Variants in GNB5 observed in about 807,000 individuals in gnomAD.
GNB5 encodes the protein G protein subunit beta 5, also known as guanine nucleotide-binding protein subunit beta-5.
In GNB5, 37 loss-of-function variants were observed where a neutral mutation model predicts 55.3. That is an observed-to-expected ratio of 0.67 (90% CI 0.51 to 0.88). The LOEUF (loss-of-function observed/expected upper bound fraction) is 0.88, where lower values mean the gene tolerates loss of function less well. GNB5 is among the 40% of genes least tolerant of loss of function. The pLI is 0.00. For missense variants in GNB5, 476 were observed against 515.3 expected, an observed-to-expected ratio of 0.92 and a Z score of 0.74; for synonymous variants, 219 against 198.5, an observed-to-expected ratio of 1.10 and a Z score of -0.87.
rs186709620 is a variant in GNB5 at position 52,115,562 on chromosome 15, C to T, written c.*7195G>A. On this transcript the variant is annotated 3_prime_UTR_variant, in exon 13 of 13. Transcript: ENST00000261837. The stretch of plus-strand genomic sequence containing the variant: ...TATTTGTAAATGGTAAATCCTCTGG[C>T]AACGGTGACTATGCTCACTTGCCCC... 1.3e-5 allele frequency: 2 copies of T among 152,358 alleles called. No individual in the cohort carries two copies. 9.4% of individuals were successfully genotyped at this position (152,358 alleles called of 1,614,324 possible).
chr15:52,186,580 G>A (rs964488549), intron 1 of GNB5, among the ~76,000 whole-genome samples: 2 of 152,194 alleles, frequency 1.3e-5, no homozygotes, highest in Admixed American at 6.5e-5. Flanking sequence ...AGGACAAAGC[G>A]GTTAAGGGGG....
intron 3 of GNB5, among the ~76,000 whole-genome samples, chr15:52,171,997 A>G (rs544591116): frequency 2.0e-5 from 3 of 152,354 alleles, no homozygotes; most frequent in South Asian, 4.1e-4. Context: ...CAGCCCCAGG[A>G]GGCTGCTGTG....
intron 4 of GNB5, among the ~76,000 whole-genome samples, chr15:52,153,667 G>T (rs534085479): frequency 6.6e-6 from 1 of 151,242 alleles, no homozygotes; most frequent in South Asian, 2.1e-4. Context: ...TTAAAAACTG[G>T]TTTCATTTAC....
intron 6 of GNB5, among the ~76,000 whole-genome samples, chr15:52,142,761 C>T (rs2033886772): frequency 6.6e-6 from 1 of 152,118 alleles, no homozygotes; most frequent in Admixed American, 6.5e-5. Context: ...ACTGGGAAAG[C>T]CAAGGGTCCC....
At chr15:52,151,227 G>A (rs747540035) in intron 4 of GNB5, among the ~76,000 whole-genome samples, 2 of 152,108 alleles carry the variant, frequency 1.3e-5, no homozygotes, top group Non-Finnish European at 2.9e-5. Flanking sequence ...CTGTATCGTG[G>A]GGTCCTCCAC....
chr15:52,174,845 G>C (rs1364299134), intron 3 of GNB5, among the ~76,000 whole-genome samples: 3 of 152,106 alleles, frequency 2.0e-5, no homozygotes, highest in Non-Finnish European at 2.9e-5. Flanking sequence ...ACTTTGGGAG[G>C]CTGAGGCGGG....
chr15:52,117,102 A>ATATATATATATATATTTTTTTTTTTTTT lies in GNB5; in HGVS notation c.*5654_*5655insAAAAAAAAAAAAAATATATATATATATA. 9 of 87,098 alleles carry ATATATATATATATATTTTTTTTTTTTTT rather than the reference A, an allele frequency of 1.0e-4. No individual in the cohort carries two copies. Among genetic ancestry groups the ATATATATATATATATTTTTTTTTTTTTT allele is most frequent in the African/African-American group, 5.5e-4 (9 of 16,444 alleles). 5.4% of individuals were successfully genotyped at this position (87,098 alleles called of 1,614,324 possible). A position where few individuals can be genotyped will look rare whatever the true frequency, so the allele number is the denominator to read the frequency against. ...CCACGCCCAGCTAATATATATATAT[A>ATATATATATATATATTTTTTTTTTTTTT]TTTTTTTTTAGTACAGACAGGGTTT... On this transcript the variant is annotated 3_prime_UTR_variant, in exon 13 of 13. Coordinates refer to ENST00000261837, the MANE Select transcript of GNB5 (RefSeq NM_016194.4).
Position 52,117,102 on chromosome 15 carries a change from A to ATATATTTTTTTTTTTTTTTTTTT in GNB5, c.*5654_*5655insAAAAAAAAAAAAAAAAAAATATA. On this transcript the variant is annotated 3_prime_UTR_variant, in exon 13 of 13. Coordinates refer to ENST00000261837, the MANE Select transcript of GNB5 (RefSeq NM_016194.4). ...CCACGCCCAGCTAATATATATATATATTTTTTTTTAGTACAGACAGGGTTT... is the reference window on the plus strand; with the variant it reads ...CCACGCCCAGCTAATATATATATATATATATTTTTTTTTTTTTTTTTTTTTTTTTTTTAGTACAGACAGGGTTT... 1.1e-5 allele frequency: 1 copy of ATATATTTTTTTTTTTTTTTTTTT among 87,100 alleles called. No homozygotes were observed. Among genetic ancestry groups the ATATATTTTTTTTTTTTTTTTTTT allele is most frequent in the African/African-American group, 6.1e-5 (1 of 16,418 alleles). The allele number at this position is 87,100 out of a possible 1,614,324, so 5.4% of individuals were successfully genotyped here. A position where few individuals can be genotyped will look rare whatever the true frequency, so the allele number is the denominator to read the frequency against.
chr15:52,174,524 T>C lies in GNB5; in HGVS notation c.238+5244A>G, dbSNP rs140205395. 7.2e-5 allele frequency among the ~76,000 whole-genome samples: 11 copies of C among 152,284 alleles called. No homozygotes were observed. The East Asian group carries it at 1.9e-3, about 27-fold the overall frequency. On this transcript the variant is annotated intron_variant, in intron 3 of 12. Transcript: ENST00000261837. ...AGCTGGCTTCCCATCAGAGGACCCA[T>C]ATAAGCTATTAATACTTCCTATATT...
chr15:52,127,534 G>T (rs1216588848), intron 10 of GNB5, among the ~76,000 whole-genome samples: 1 of 151,766 alleles, frequency 6.6e-6, no homozygotes, highest in Non-Finnish European at 1.5e-5. Flanking sequence ...ATTTTGTTAT[G>T]TATCTTTGAT....
intron 3 of GNB5, among the ~76,000 whole-genome samples, chr15:52,162,406 A>T (rs1000650500): frequency 6.6e-6 from 1 of 152,364 alleles, no homozygotes; most frequent in East Asian, 1.9e-4. Flanking sequence ...GTAAATTTAT[A>T]AAGTGAAAAT....
At chr15:52,154,150 CAT>C in intron 3 of GNB5, 74 bp from the exon 4 acceptor site, 1 of 1,440,712 alleles carries the variant, frequency 6.9e-7, no homozygotes, top group Non-Finnish European at 9.4e-7. Context: ...ACAGCACAGA[CAT>C]ATGTTCCGCA....
At chr15:52,142,737 C>G (rs904137802) in intron 6 of GNB5, among the ~76,000 whole-genome samples, 2 of 152,158 alleles carry the variant, frequency 1.3e-5, no homozygotes, top group Non-Finnish European at 2.9e-5. Flanking sequence ...AATGGGGTCA[C>G]TTTTTTCTGA....
At chr15:52,154,643 C>G (rs75259723) in intron 3 of GNB5, among the ~76,000 whole-genome samples, 4,254 of 152,320 alleles carry the variant, frequency 0.028, 82 homozygotes, top group Middle Eastern at 0.088. Context: ...AGCTCTAGAG[C>G]TTGCCGTGTC....
At chr15:52,165,481 G>C (rs577592615) in intron 3 of GNB5, among the ~76,000 whole-genome samples, 1 of 152,030 alleles carries the variant, frequency 6.6e-6, no homozygotes, top group Non-Finnish European at 1.5e-5. Context: ...AGGGAAGCCC[G>C]CCAGACTAAC....
At chr15:52,180,062 C>T (rs1160578636) in intron 2 of GNB5, 183 bp from the exon 3 acceptor site, 3 of 670,694 alleles carry the variant, frequency 4.5e-6, no homozygotes, top group Admixed American at 4.8e-5. Flanking sequence ...CACCTGGGCG[C>T]GCGCTCTGGC....
chr15:52,176,058 C>A (rs1412461027), intron 3 of GNB5, among the ~76,000 whole-genome samples: 11 of 148,294 alleles, frequency 7.4e-5, no homozygotes, highest in East Asian at 2.0e-4. Flanking sequence ...CAAAAAAAAA[C>A]AAAACAAAAC....
chr15:52,136,228 G>A (rs2033718838), intron 7 of GNB5, among the ~76,000 whole-genome samples: 1 of 149,302 alleles, frequency 6.7e-6, no homozygotes, highest in African/African-American at 2.5e-5. Context: ...TACAAAGAAG[G>A]AAAGAGTGCA....
At chr15:52,167,286 T>G (rs12910870) in intron 3 of GNB5, among the ~76,000 whole-genome samples, 1 of 152,004 alleles carries the variant, frequency 6.6e-6, no homozygotes, top group Non-Finnish European at 1.5e-5. Flanking sequence ...GAAACTATTC[T>G]AAACAATTGA....
Sources: allele counts gnomAD v4.1 joint callset (sites outside exome capture counted in the v4.1 genomes callset), GRCh38; gene constraint gnomAD v4.1.1; transcripts MANE v1.5; gene names NCBI Gene and HGNC (gene_info 2026-07-23, HGNC 2026-07-21).